ROBO1: variants seen among roughly 807,000 people sequenced by gnomAD.
ROBO1 encodes the protein roundabout guidance receptor 1.
A neutral mutation model predicts 195.9 loss-of-function variants in ROBO1; 149 were observed. The observed-to-expected ratio is 0.76, with a 90% CI of 0.67 to 0.87. ROBO1 has a LOEUF of 0.87. Ranked by LOEUF, ROBO1 falls within the 40% of genes least tolerant of loss-of-function variation. The pLI, the probability that ROBO1 is intolerant of heterozygous loss-of-function variation, is 0.00. For synonymous variants in ROBO1, 816 were observed against 733.2 expected, an observed-to-expected ratio of 1.11 and a Z score of -1.82; for missense variants, 1,933 against 2,068.3, an observed-to-expected ratio of 0.93 and a Z score of 1.27.
intron 3 of ROBO1, among the ~76,000 whole-genome samples, chr3:79,028,297 C>CT (rs899068804): frequency 3.0e-4 from 45 of 151,130 alleles, no homozygotes; most frequent in Admixed American, 1.1e-3. Context: ...CATATAAAGA[C>CT]TTTTTTTTTC....
chr3:79,014,394 A>C (rs1333127595), intron 3 of ROBO1, among the ~76,000 whole-genome samples: 1 of 152,112 alleles, frequency 6.6e-6, no homozygotes, highest in East Asian at 1.9e-4. Flanking sequence ...AATCACGTGA[A>C]CCCAGGAGGC....
intron 4 of ROBO1, among the ~76,000 whole-genome samples, chr3:78,818,244 T>C (rs1297837211): frequency 6.6e-6 from 1 of 152,170 alleles, no homozygotes; most frequent in African/African-American, 2.4e-5. Context: ...GCCCAGCCTG[T>C]CCAGCATCTC....
At chr3:79,718,902 C>A (rs548017675) in intron 1 of ROBO1, among the ~76,000 whole-genome samples, 1 of 152,042 alleles carries the variant, frequency 6.6e-6, no homozygotes, top group East Asian at 1.9e-4. Context: ...ATTCTGTAAC[C>A]TGGATATACA....
intron 1 of ROBO1, among the ~76,000 whole-genome samples, chr3:79,755,628 G>T (rs2107496538): frequency 6.6e-6 from 1 of 152,086 alleles, no homozygotes; most frequent in South Asian, 2.1e-4. Context: ...GGATTAAAGA[G>T]ATGTTATAAT....
intron 1 of ROBO1, among the ~76,000 whole-genome samples, chr3:79,662,788 G>C (rs917392605): frequency 2.6e-5 from 4 of 152,016 alleles, no homozygotes; most frequent in African/African-American, 9.7e-5. Flanking sequence ...TTGCAAAACT[G>C]TGCCTTAGAA....
At chr3:79,265,107 GGTTAAAATTACTTCATAGA>G (rs1247627933) in intron 2 of ROBO1, among the ~76,000 whole-genome samples, 1 of 151,642 alleles carries the variant, frequency 6.6e-6, no homozygotes, top group African/African-American at 2.4e-5. Context: ...AATCACATTA[GGTTAAAATTACTTCATAGA>G]GTTTTGAGAT....
chr3:79,632,434 A>G (rs1198042221), intron 1 of ROBO1, among the ~76,000 whole-genome samples: 2 of 152,154 alleles, frequency 1.3e-5, no homozygotes, highest in Non-Finnish European at 1.5e-5. Flanking sequence ...ACTGGTACAC[A>G]TCGACACACA....
At chr3:79,754,914 C>G (rs1382549249) in intron 1 of ROBO1, among the ~76,000 whole-genome samples, 1 of 152,108 alleles carries the variant, frequency 6.6e-6, no homozygotes, top group Admixed American at 6.6e-5. Flanking sequence ...GAGTTTCACT[C>G]TTGTTGCGCA....
intron 2 of ROBO1, among the ~76,000 whole-genome samples, chr3:79,347,442 C>A (rs2035165328): frequency 6.6e-6 from 1 of 152,084 alleles, no homozygotes; most frequent in Non-Finnish European, 1.5e-5. Flanking sequence ...GCAACACAGT[C>A]TTAAATTATC....
rs551719354 is a variant in ROBO1 at position 79,458,554 on chromosome 3, C to T, written c.88+131270G>A. 3.5e-4 allele frequency among the ~76,000 whole-genome samples: 53 copies of T among 151,694 alleles called. No individual in the cohort carries two copies. The South Asian group carries it at 8.4e-3, about 24-fold the overall frequency. Reference sequence around the variant, plus strand: ...ATGTGTTCACTGGACAAGAAAGACGCCACTCTAGGATTTAAGATTTACTGT... The same window carrying T: ...ATGTGTTCACTGGACAAGAAAGACGTCACTCTAGGATTTAAGATTTACTGT... On this transcript the variant is annotated intron_variant, in intron 2 of 30. Transcript: ENST00000464233.
chr3:79,638,363 T>TA (rs1470049374), intron 1 of ROBO1, among the ~76,000 whole-genome samples: 2 of 152,172 alleles, frequency 1.3e-5, no homozygotes, highest in Non-Finnish European at 2.9e-5. Context: ...ACCATATGTA[T>TA]ATTCTTAATT....
intron 3 of ROBO1, among the ~76,000 whole-genome samples, chr3:78,988,754 T>C (rs762274767): frequency 2.0e-5 from 3 of 152,158 alleles, no homozygotes; most frequent in Non-Finnish European, 2.9e-5. Context: ...TTACATTCCA[T>C]CAAAATTGTC....
chr3:79,429,486 C>T (rs753394100), intron 2 of ROBO1, among the ~76,000 whole-genome samples: 29 of 152,070 alleles, frequency 1.9e-4, no homozygotes, highest in African/African-American at 2.9e-4. Flanking sequence ...CCCACAAACA[C>T]GCAAAGCCTA....
chr3:79,604,893 T>TA (rs773691000), intron 1 of ROBO1, among the ~76,000 whole-genome samples: 1 of 152,066 alleles, frequency 6.6e-6, no homozygotes, highest in Non-Finnish European at 1.5e-5. Context: ...TATCTTAAGA[T>TA]AAAACAACAG....
chr3:79,346,879 A>G (rs2035139476), intron 2 of ROBO1, among the ~76,000 whole-genome samples: 1 of 151,850 alleles, frequency 6.6e-6, no homozygotes, highest in Non-Finnish European at 1.5e-5. Flanking sequence ...TATAGACTAT[A>G]CATTTACAGT....
At chr3:79,596,740 C>G (rs573404275) in intron 1 of ROBO1, among the ~76,000 whole-genome samples, 1 of 151,936 alleles carries the variant, frequency 6.6e-6, no homozygotes, top group African/African-American at 2.4e-5. Context: ...ATGTTTCTCA[C>G]GACAATTGCA....
At chr3:78,801,756 A>G (rs1467233294) in intron 4 of ROBO1, among the ~76,000 whole-genome samples, 8 of 152,168 alleles carry the variant, frequency 5.3e-5, no homozygotes, top group Admixed American at 1.3e-4. Flanking sequence ...TATAACAAAT[A>G]GTAATACAAC....
At chr3:79,649,450 T>A (rs1357611301) in intron 1 of ROBO1, among the ~76,000 whole-genome samples, 2 of 152,078 alleles carry the variant, frequency 1.3e-5, no homozygotes, top group African/African-American at 4.8e-5. Flanking sequence ...TAATAATAAT[T>A]GAATTAAAAT....
intron 2 of ROBO1, among the ~76,000 whole-genome samples, chr3:79,249,158 AAAGT>A (rs1161817355): frequency 6.6e-6 from 1 of 152,150 alleles, no homozygotes; most frequent in Non-Finnish European, 1.5e-5. Context: ...CACTGCTTTC[AAAGT>A]AAGAAGTAGT....
Sources: allele counts gnomAD v4.1 joint callset (sites outside exome capture counted in the v4.1 genomes callset), GRCh38; gene constraint gnomAD v4.1.1; transcripts MANE v1.5; gene names NCBI Gene and HGNC (gene_info 2026-07-23, HGNC 2026-07-21).